PCLO: variants seen among roughly 807,000 people sequenced by gnomAD.
The protein encoded by PCLO is piccolo presynaptic cytomatrix protein.
PCLO carries 82 observed loss-of-function variants against 427.5 expected under a neutral mutation model. The ratio of observed to expected loss-of-function variants is 0.19; its 90% confidence interval spans 0.16 to 0.23. The LOEUF is 0.23. Among genes scored for constraint, PCLO ranks in the 10% least tolerant of loss-of-function variants. PCLO has a pLI of 1.00. For synonymous variants in PCLO, 2,357 were observed against 2,155.4 expected, an observed-to-expected ratio of 1.09 and a Z score of -2.59; for missense variants, 6,239 against 6,115.9, an observed-to-expected ratio of 1.02 and a Z score of -0.67.
Position 82,956,345 on chromosome 7 carries a change from T to G in PCLO, c.4608A>C (p.Ser1536=), listed in dbSNP as rs750060245. The G allele has an allele frequency of 6.2e-6, 10 of 1,613,228 alleles. No individual in the cohort carries two copies. Among genetic ancestry groups the G allele is most frequent in the Non-Finnish European group, 8.5e-6 (10 of 1,179,864 alleles). ...CTTCCTGTTTATACTCATCACTGCT[T>G]GATGAGCCAACACTAGTTCTTCGTT... is the stretch of plus-strand genomic sequence containing the variant. ...QRKRRTSVGS[S]SSDEYKQEDS... is the part of the protein sequence containing the mutation. The change falls in exon 5 of 25, where the codon TCA becomes TCC. Residue 1536 remains serine, a synonymous_variant. Transcript: ENST00000333891.
rs1795402725 is a variant in PCLO, at chr7:82,953,112, A to G, written c.7841T>C (p.Val2614Ala). ...WPLGSPSKDL[V>A]SVEPVFSVVP... is the part of the protein sequence containing the mutation. ...TACAGAAAACACAGGTTCAACAGAA[A>G]CCAGATCTTTGGAGGGTGATCCCAA... Residue 2614 changes from valine (V) to alanine (A), a missense_variant, in exon 5 of 25, where the codon GTT (valine) becomes GCT (alanine). Around this residue, in one of 5 missense-constraint regions of PCLO, gnomAD observed 4,677 missense variants for 4,468.4 expected, o/e 1.05. Transcript: ENST00000333891. 3 of 1,613,976 alleles carry G rather than the reference A, an allele frequency of 1.9e-6. No homozygotes were observed. In the East Asian group the frequency reaches 6.7e-5, roughly 36 times the overall value.
At chr7:83,145,089 C>A (rs928631956) in intron 2 of PCLO, among the ~76,000 whole-genome samples, 1 of 152,082 alleles carries the variant, frequency 6.6e-6, no homozygotes, top group African/African-American at 2.4e-5. Context: ...CTTTTATAAA[C>A]AAGATTCCAT....
intron 3 of PCLO, among the ~76,000 whole-genome samples, chr7:83,132,913 T>C (rs1791610119): frequency 6.6e-6 from 1 of 152,002 alleles, no homozygotes; most frequent in Non-Finnish European, 1.5e-5. Flanking sequence ...AAGGTTTGTT[T>C]TTGGTTTTAC....
intron 7 of PCLO, among the ~76,000 whole-genome samples, chr7:82,913,261 T>C (rs549808865): frequency 4.6e-5 from 7 of 152,106 alleles, no homozygotes; most frequent in African/African-American, 1.4e-4. Context: ...TTGTCCTCCT[T>C]CAGATACAGT....
chr7:83,067,415 A>G (rs1789695719), intron 3 of PCLO, among the ~76,000 whole-genome samples: 1 of 152,182 alleles, frequency 6.6e-6, no homozygotes, highest in African/African-American at 2.4e-5. Flanking sequence ...TGATTGCTTG[A>G]GAGACTCCTC....
Position 82,952,473 on chromosome 7 carries a change from G to C in PCLO, c.8480C>G (p.Thr2827Arg). 2 of 1,613,930 alleles carry C rather than the reference G, an allele frequency of 1.2e-6. No individual in the cohort carries two copies. Among genetic ancestry groups the C allele is most frequent in the South Asian group, 1.1e-5 (1 of 91,084 alleles). The change falls in exon 5 of 25, where the codon ACA (threonine) becomes AGA (arginine). Residue 2827 changes from threonine to arginine, a missense_variant. Transcript: ENST00000333891. ...EHAMTTPLQL[T>R]TSKHAEPPYR... The stretch of plus-strand genomic sequence containing the variant: ...TGGGGGCTCAGCATGCTTTGATGTT[G>C]TAAGTTGGAGTGGTGTTGTCATTGC...
intron 3 of PCLO, among the ~76,000 whole-genome samples, chr7:82,991,737 T>A (rs1796380988): frequency 6.6e-6 from 1 of 152,158 alleles, no homozygotes; most frequent in Admixed American, 6.6e-5. Flanking sequence ...ATAAACTGTG[T>A]GGCACCATAA....
intron 22 of PCLO, among the ~76,000 whole-genome samples, chr7:82,763,414 C>T (rs141654172): frequency 1.4e-3 from 220 of 152,094 alleles, no homozygotes; most frequent in Non-Finnish European, 2.7e-3. Flanking sequence ...GGTCTGTGAA[C>T]CACATTTCGA....
intron 14 of PCLO, among the ~76,000 whole-genome samples, chr7:82,840,018 G>C (rs1792328027): frequency 6.6e-6 from 1 of 152,030 alleles, no homozygotes; most frequent in Middle Eastern, 3.4e-3. Flanking sequence ...TTAAGGGAAA[G>C]CAAAATAAAA....
chr7:83,018,366 A>G (rs182734083), intron 3 of PCLO, among the ~76,000 whole-genome samples: 2 of 152,124 alleles, frequency 1.3e-5, no homozygotes, highest in East Asian at 3.9e-4. Flanking sequence ...GAGTACTTTT[A>G]TCTTCAGGGA....
intron 20 of PCLO, among the ~76,000 whole-genome samples, chr7:82,811,371 T>C (rs2115571133): frequency 6.6e-6 from 1 of 151,694 alleles, no homozygotes; most frequent in South Asian, 2.1e-4. Flanking sequence ...TTCCTTTCCT[T>C]CTTCCCTCCT....
At position 83,087,841 on chromosome 7, in the gene PCLO, A is replaced by C. The variant is rs138021537; in HGVS notation, c.3300+46409T>G. ...TTAATATAGTTTTGACATAATTCAT[A>C]GCTAATGTAGTTTTTAAAAATCATC... On this transcript the variant is annotated intron_variant, in intron 3 of 24. Coordinates refer to ENST00000333891, the MANE Select transcript of PCLO (RefSeq NM_033026.6). Among the ~76,000 whole-genome samples the C allele has an allele frequency of 5.3e-3, 804 of 152,314 alleles. 9 individuals carry two copies. Among genetic ancestry groups the C allele is most frequent in the African/African-American group, 0.018 (761 of 41,574 alleles).
chr7:83,053,766 GC>G (rs1789310886), intron 3 of PCLO, among the ~76,000 whole-genome samples: 1 of 151,558 alleles, frequency 6.6e-6, no homozygotes, highest in African/African-American at 2.4e-5. Context: ...TACTTCCTAG[GC>G]TGCAATAATA....
intron 3 of PCLO, among the ~76,000 whole-genome samples, chr7:82,991,211 T>A (rs1796369006): frequency 6.6e-6 from 1 of 152,106 alleles, no homozygotes; most frequent in African/African-American, 2.4e-5. Flanking sequence ...ATAGTATCTA[T>A]CTGTCTATCT....
chr7:82,853,839 C>T (rs955034722), intron 10 of PCLO, among the ~76,000 whole-genome samples: 2 of 152,110 alleles, frequency 1.3e-5, no homozygotes, highest in African/African-American at 2.4e-5. Context: ...GGGGATTATA[C>T]TTGCTAGGTG....
intron 3 of PCLO, among the ~76,000 whole-genome samples, chr7:83,031,102 T>C (rs1003428205): frequency 6.6e-6 from 1 of 152,178 alleles, no homozygotes; most frequent in African/African-American, 2.4e-5. Context: ...GCACTGTTCA[T>C]ACTCATTAGT....
At chr7:83,029,246 T>A in intron 3 of PCLO, among the ~76,000 whole-genome samples, 1 of 135,234 alleles carries the variant, frequency 7.4e-6, no homozygotes, top group African/African-American at 2.7e-5. Flanking sequence ...TACAATGAAC[T>A]CAAACAAATT....
At position 82,756,530 on chromosome 7, in the gene PCLO, C is replaced by G. The variant is rs1056020017; in HGVS notation, c.*2045G>C. ...GTTTGGGGAAGATCGAATTTGTATT[C>G]TGAAGTCATATATATATATATATAT... On this transcript the variant is annotated 3_prime_UTR_variant, in exon 25 of 25. Transcript: ENST00000333891. 3.4e-4 allele frequency: 40 copies of G among 118,110 alleles called. No individual in the cohort carries two copies. The highest frequency in any genetic ancestry group is 5.4e-4 in the Non-Finnish European group (29 of 53,250). The allele number at this position is 118,110 out of a possible 1,614,324, so 7.3% of individuals were successfully genotyped here.
At chr7:83,072,962 C>G (rs1320109391) in intron 3 of PCLO, among the ~76,000 whole-genome samples, 1 of 151,984 alleles carries the variant, frequency 6.6e-6, no homozygotes, top group African/African-American at 2.4e-5. Flanking sequence ...TTCTGTCTCT[C>G]TGTCTCTCTC....
Sources: allele counts gnomAD v4.1 joint callset (sites outside exome capture counted in the v4.1 genomes callset), GRCh38; gene constraint gnomAD v4.1.1; regional missense constraint gnomAD v4.1.1; transcripts MANE v1.5; gene names NCBI Gene and HGNC (gene_info 2026-07-23, HGNC 2026-07-21).